Variants in DAGLB observed in about 807,000 individuals in gnomAD.
DAGLB encodes diacylglycerol lipase-beta.
A neutral mutation model predicts 72.1 loss-of-function variants in DAGLB; 66 were observed. The observed-to-expected ratio is 0.92, with a 90% CI of 0.75 to 1.12. DAGLB has a LOEUF of 1.12. Ranked by LOEUF, DAGLB falls within the 50% of genes most tolerant of loss-of-function variation. DAGLB has a pLI of 0.00. For synonymous variants in DAGLB, 414 were observed against 359.5 expected (o/e 1.15, Z -1.71); for missense variants, 1,065 against 884.9 (o/e 1.20, Z -2.58).
rs767673970 is a variant in DAGLB, at chr7:6,435,060, C to A, written c.420-40G>T. 5.0e-6 allele frequency: 8 copies of A among 1,600,810 alleles called. No homozygotes were observed. In the South Asian group the frequency reaches 8.8e-5, roughly 18 times the overall value. On this transcript the variant is annotated intron_variant, in intron 3 of 14. Coordinates refer to ENST00000297056, the MANE Select transcript of DAGLB (RefSeq NM_139179.4). Reference sequence around the variant, plus strand: ...GAGGAAAAGGCTCGGTGACTGCGGGCCCCAGCCCAGACGCAGATGTCCGGG... The same window carrying A: ...GAGGAAAAGGCTCGGTGACTGCGGGACCCAGCCCAGACGCAGATGTCCGGG...
At chr7:6,427,480 A>T (rs573207039) in intron 6 of DAGLB, among the ~76,000 whole-genome samples, 67 of 152,294 alleles carry the variant, frequency 4.4e-4, no homozygotes, top group Non-Finnish European at 7.6e-4. Flanking sequence ...TCTAAAAAGA[A>T]ATTTATTAAT....
intron 9 of DAGLB, among the ~76,000 whole-genome samples, chr7:6,419,480 T>C (rs1030328138): frequency 6.6e-6 from 1 of 152,140 alleles, no homozygotes; most frequent in Non-Finnish European, 1.5e-5. Context: ...CAACAACAAA[T>C]GCCAAAGCCC....
At chr7:6,411,550 T>G (rs562914595) in intron 13 of DAGLB, among the ~76,000 whole-genome samples, 2 of 152,122 alleles carry the variant, frequency 1.3e-5, no homozygotes, top group African/African-American at 4.8e-5. Flanking sequence ...TCAGTTGAAC[T>G]TGGGAGGCTG....
At chr7:6,413,235 C>T (rs968841720) in intron 11 of DAGLB, among the ~76,000 whole-genome samples, 1 of 152,182 alleles carries the variant, frequency 6.6e-6, no homozygotes, top group African/African-American at 2.4e-5. Context: ...ATGTGTTCAA[C>T]AGAGACGCCC....
intron 2 of DAGLB, among the ~76,000 whole-genome samples, chr7:6,441,629 G>C (rs1031075501): frequency 6.6e-6 from 1 of 150,564 alleles, no homozygotes; most frequent in African/African-American, 2.5e-5. Context: ...GTGTTAGTCA[G>C]GATGGTCTTG....
At position 6,416,412 on chromosome 7, in the gene DAGLB, G is replaced by A. The variant is rs182070674; in HGVS notation, c.1427+215C>T. ...TACAAAAATTAGCCGGCATGCTGGC[G>A]GGTGTCTGTAGTCCCAGCAACTCGG... is the stretch of plus-strand genomic sequence containing the variant. On this transcript the variant is annotated intron_variant, in intron 11 of 14. Coordinates refer to ENST00000297056, the MANE Select transcript of DAGLB (RefSeq NM_139179.4). The A allele has an allele frequency of 1.3e-3, 655 of 501,478 alleles. 4 individuals are homozygous for A. Among genetic ancestry groups the A allele is most frequent in the African/African-American group, 0.011 (563 of 50,994 alleles). 31.1% of individuals were successfully genotyped at this position (501,478 alleles called of 1,614,324 possible).
intron 6 of DAGLB, among the ~76,000 whole-genome samples, chr7:6,429,766 C>T (rs1322594804): frequency 1.3e-5 from 2 of 151,684 alleles, no homozygotes; most frequent in Non-Finnish European, 2.9e-5. Flanking sequence ...CGGGTGTGGC[C>T]GGGCGTGGTG....
In DAGLB at chr7:6,432,948, C is replaced by G; in HGVS notation, c.690G>C (p.Leu230=). ...GGCCCGCCGCAATGTCGCTGGGCAC[C>G]AGATCTGTGTCCTGGGTGGGAAACC... ...LFSTYFSDTD[L]VPSDIAAGLA... The change falls in exon 5 of 15, where the codon CTG becomes CTC. Residue 230 remains leucine (L), a synonymous_variant. Transcript: ENST00000297056. The G allele has an allele frequency of 3.1e-6, 5 of 1,613,662 alleles. No individual in the cohort carries two copies. The highest frequency in any genetic ancestry group is 4.2e-6 in the Non-Finnish European group (5 of 1,179,884).
At position 6,415,655 on chromosome 7, in the gene DAGLB, T is replaced by C. The variant is rs192029936; in HGVS notation, c.1427+972A>G. Among the ~76,000 whole-genome samples the C allele has an allele frequency of 8.4e-3, 1,272 of 151,422 alleles. 24 individuals are homozygous for C. Among genetic ancestry groups the C allele is most frequent in the African/African-American group, 0.029 (1,217 of 41,326 alleles). On this transcript the variant is annotated intron_variant, in intron 11 of 14. Transcript: ENST00000297056. ...GACAGGAGATCGAGACCATCCTGGC[T>C]AACACGGTGAAACCCGTCTCTACTA...
chr7:6,422,091 G>C (rs2115257960), intron 8 of DAGLB: 1 of 489,942 alleles, frequency 2.0e-6, no homozygotes, highest in South Asian at 1.7e-5. Flanking sequence ...GTATTCTAAG[G>C]ACCCCGTGGC....
At chr7:6,424,568 A>G (rs552590033) in intron 8 of DAGLB, among the ~76,000 whole-genome samples, 184 bp downstream of exon 8, 77 of 152,236 alleles carry the variant, frequency 5.1e-4, no homozygotes, top group Non-Finnish European at 2.4e-4. Context: ...AGTGAAGATG[A>G]AACAGCTTCA....
At chr7:6,428,202 C>G (rs544779067) in intron 6 of DAGLB, among the ~76,000 whole-genome samples, 1 of 149,932 alleles carries the variant, frequency 6.7e-6, no homozygotes, top group Non-Finnish European at 1.5e-5. Context: ...AAAAACTAGC[C>G]GAGTATGGTG....
At chr7:6,430,255 ATAT>A (rs1784441330) in intron 6 of DAGLB, among the ~76,000 whole-genome samples, 2 of 83,774 alleles carry the variant, frequency 2.4e-5, no homozygotes, top group African/African-American at 5.3e-5. Flanking sequence ...ATGTGCATAT[ATAT>A]ATATATATAT....
chr7:6,447,505 C>CCCCT (rs1785048048), intron 1 of DAGLB, among the ~76,000 whole-genome samples: 1 of 152,180 alleles, frequency 6.6e-6, no homozygotes, highest in Non-Finnish European at 1.5e-5. Context: ...ACTTCGAAAC[C>CCCCT]CCCTGTTTGT....
At chr7:6,432,801 G>C (rs372747166) in intron 5 of DAGLB, 36 bp downstream of exon 5, 8 of 1,598,412 alleles carry the variant, frequency 5.0e-6, no homozygotes, top group Non-Finnish European at 6.8e-6. Flanking sequence ...AAAGGTGTAA[G>C]TGTCAGAACT....
intron 9 of DAGLB, among the ~76,000 whole-genome samples, chr7:6,420,771 T>C (rs1035353233): frequency 2.0e-5 from 3 of 152,156 alleles, no homozygotes; most frequent in Non-Finnish European, 2.9e-5. Context: ...CCTACCCCTC[T>C]ACTCTGGGCA....
In DAGLB at chr7:6,446,142, T is replaced by A. The variant is rs114879948; in HGVS notation, c.96-38A>T. 2,462 of 1,573,596 alleles carry A rather than the reference T, an allele frequency of 1.6e-3. 35 individuals are homozygous for A. The African/African-American group carries it at 0.03, about 19-fold the overall frequency. On this transcript the variant is annotated intron_variant, in intron 1 of 14. Coordinates refer to ENST00000297056, the MANE Select transcript of DAGLB (RefSeq NM_139179.4). ...AAAAAGGGAAGGGTCAGAAATGAAATCCAAGGAGCTGCTGTGTAGAACATG... is the reference window on the plus strand; with the variant it reads ...AAAAAGGGAAGGGTCAGAAATGAAAACCAAGGAGCTGCTGTGTAGAACATG...
At chr7:6,429,757 G>A (rs940767905) in intron 6 of DAGLB, among the ~76,000 whole-genome samples, 2 of 151,896 alleles carry the variant, frequency 1.3e-5, no homozygotes, top group Admixed American at 6.6e-5. Flanking sequence ...AAAATTAGCC[G>A]GGTGTGGCCG....
At chr7:6,415,697 T>C (rs1250371592) in intron 11 of DAGLB, among the ~76,000 whole-genome samples, 1 of 151,216 alleles carries the variant, frequency 6.6e-6, no homozygotes. Context: ...TACAAAAAAT[T>C]AGCCGGGTGT....
Sources: allele counts gnomAD v4.1 joint callset (sites outside exome capture counted in the v4.1 genomes callset), GRCh38; gene constraint gnomAD v4.1.1; transcripts MANE v1.5; gene names NCBI Gene and HGNC (gene_info 2026-07-23, HGNC 2026-07-21).